The following TYW1B variants were observed in gnomAD, a reference collection of about 807,000 sequenced individuals.
TYW1B encodes the protein S-adenosyl-L-methionine-dependent tRNA 4-demethylwyosine synthase TYW1B.
TYW1B carries 73 observed loss-of-function variants against 86.9 expected under a neutral mutation model. That is an observed-to-expected ratio of 0.84 (90% confidence interval 0.70 to 1.02). The LOEUF (loss-of-function observed/expected upper bound fraction) is 1.02. Among genes scored for constraint, TYW1B ranks in the 50% least tolerant of loss-of-function variants. The pLI, the probability that TYW1B is intolerant of heterozygous loss-of-function variation, is 0.00. For missense variants in TYW1B, 637 were observed against 827.4 expected, an observed-to-expected ratio of 0.77 and a Z score of 2.82; for synonymous variants, 248 against 292.8, an observed-to-expected ratio of 0.85 and a Z score of 1.56.
chr7:72,617,404 G>C (rs1429306177), intron 12 of TYW1B, among the ~76,000 whole-genome samples: 2 of 152,070 alleles, frequency 1.3e-5, no homozygotes, highest in African/African-American at 4.8e-5. Flanking sequence ...GTCTTGCTCT[G>C]TCACCTAAGC....
Position 72,765,070 on chromosome 7 carries a change from A to T in TYW1B, c.964+12346T>A, listed in dbSNP as rs1352527019. ...GAAATATAAACATCGGTTATATACCACCAAGGCTTTGGCTGAAATGTCTTA... is the reference window on the plus strand; with the variant it reads ...GAAATATAAACATCGGTTATATACCTCCAAGGCTTTGGCTGAAATGTCTTA... On this transcript the variant is annotated intron_variant, in intron 7 of 13. Coordinates refer to ENST00000620995, the MANE Select transcript of TYW1B (RefSeq NM_001145440.3). 7.9e-5 allele frequency among the ~76,000 whole-genome samples: 12 copies of T among 152,298 alleles called. No homozygotes were observed. In the East Asian group the frequency reaches 2.3e-3, roughly 29 times the overall value.
At chr7:72,827,855 G>A (rs551067287) in intron 1 of TYW1B, among the ~76,000 whole-genome samples, 12 of 152,302 alleles carry the variant, frequency 7.9e-5, no homozygotes, top group Admixed American at 2.6e-4. Context: ...AAGTGGGAGG[G>A]GTAGTTTTCT....
intron 10 of TYW1B, among the ~76,000 whole-genome samples, chr7:72,704,841 T>C (rs1347076073): frequency 6.6e-6 from 1 of 152,134 alleles, no homozygotes; most frequent in Non-Finnish European, 1.5e-5. Context: ...GATTGAAACC[T>C]AGATCTTTTC....
intron 11 of TYW1B, among the ~76,000 whole-genome samples, chr7:72,659,577 CAAAGA>C (rs1554444189): frequency 1.3e-5 from 2 of 151,616 alleles, no homozygotes; most frequent in Non-Finnish European, 2.9e-5. Context: ...GACTCTGTCT[CAAAGA>C]AAAGAAAAGA....
At chr7:72,714,105 T>C (rs1585923598) in intron 9 of TYW1B, among the ~76,000 whole-genome samples, 1 of 152,220 alleles carries the variant, frequency 6.6e-6, no homozygotes, top group Non-Finnish European at 1.5e-5. Flanking sequence ...CATTCTTTCA[T>C]GTTGATCTAA....
At chr7:72,583,703 A>G (rs1486572291) in intron 13 of TYW1B, among the ~76,000 whole-genome samples, 1 of 152,246 alleles carries the variant, frequency 6.6e-6, no homozygotes, top group African/African-American at 2.4e-5. Context: ...AGAGGAAAGG[A>G]GAGGACTGGC....
rs1787730850 is a variant in TYW1B at position 72,764,027 on chromosome 7, G to A, written c.964+13389C>T. On this transcript the variant is annotated intron_variant, in intron 7 of 13. Coordinates refer to ENST00000620995, the MANE Select transcript of TYW1B (RefSeq NM_001145440.3). ...TTTTTTAAAGTTATATTTGTATGGG[G>A]ATATGTTATTAATGTGAATATTCAA... Among the ~76,000 whole-genome samples, 8 of 152,176 alleles carry A rather than the reference G, an allele frequency of 5.3e-5. No individual in the cohort carries two copies. The South Asian group carries it at 1.7e-3, about 31-fold the overall frequency.
chr7:72,640,120 A>G (rs1585868811), intron 11 of TYW1B, among the ~76,000 whole-genome samples: 1 of 152,076 alleles, frequency 6.6e-6, no homozygotes, highest in African/African-American at 2.4e-5. Context: ...ACAGAATGGA[A>G]AACTTATAAT....
chr7:72,641,067 A>C (rs1812789463), intron 11 of TYW1B, among the ~76,000 whole-genome samples: 1 of 152,282 alleles, frequency 6.6e-6, no homozygotes, highest in South Asian at 2.1e-4. Flanking sequence ...TCAGAAATGA[A>C]AGTGGAGATA....
intron 11 of TYW1B, among the ~76,000 whole-genome samples, chr7:72,631,350 T>TA (rs1300892058): frequency 1.3e-5 from 2 of 151,918 alleles, no homozygotes; most frequent in East Asian, 1.9e-4. Context: ...CCGTCTCCAC[T>TA]AAAAAATACA....
intron 7 of TYW1B, among the ~76,000 whole-genome samples, chr7:72,749,780 G>A (rs1554464650): frequency 7.2e-6 from 1 of 138,684 alleles, no homozygotes; most frequent in Admixed American, 7.5e-5. Flanking sequence ...GAACTAGATT[G>A]CTGATTTGAG....
In TYW1B at chr7:72,802,444, C is replaced by A; in HGVS notation, c.802G>T (p.Val268Phe). 1 of 1,613,874 alleles carries A rather than the reference C, an allele frequency of 6.2e-7. No individual in the cohort carries two copies. Residue 268 changes from valine (V) to phenylalanine (F), a missense_variant, in exon 6 of 14, where the codon GTT becomes TTT. By Grantham distance (50) the Val-to-Phe change is conservative (BLOSUM62 -1). Transcript: ENST00000620995. ...DHQSLNSIVD[V>F]EDLGKIMDHV... is the part of the protein sequence containing the mutation. ...TCCATAATTTTGCCCAAATCTTCAA[C>A]ATCAACAATGGAATTTAGGCTCTGA...
At chr7:72,623,186 C>G (rs1474044621) in intron 12 of TYW1B, among the ~76,000 whole-genome samples, 1 of 152,188 alleles carries the variant, frequency 6.6e-6, no homozygotes, top group Non-Finnish European at 1.5e-5. Context: ...TGAATGCACA[C>G]ACATACACAT....
chr7:72,777,270 A>G, intron 7 of TYW1B, 146 bp downstream of exon 7: 1 of 971,362 alleles, frequency 1.0e-6, no homozygotes, highest in African/African-American at 1.6e-5. Flanking sequence ...GAAGCGATCC[A>G]CAGAAGTAAG....
intron 11 of TYW1B, among the ~76,000 whole-genome samples, chr7:72,679,335 T>C (rs1375109055): frequency 1.3e-5 from 2 of 152,194 alleles, no homozygotes; most frequent in East Asian, 3.8e-4. Context: ...CTCTCAATAA[T>C]GTTCACTGCA....
intron 9 of TYW1B, among the ~76,000 whole-genome samples, chr7:72,715,183 C>A (rs568577196): frequency 2.7e-3 from 407 of 152,046 alleles, no homozygotes; most frequent in African/African-American, 8.9e-3. Context: ...AGGCAATTCG[C>A]AGTTTCTGAA....
chr7:72,774,451 C>G (rs564299143), intron 7 of TYW1B, among the ~76,000 whole-genome samples: 2 of 151,400 alleles, frequency 1.3e-5, no homozygotes, highest in Non-Finnish European at 2.9e-5. Context: ...GGCCAGGCAC[C>G]GTGGCTCAAG....
At chr7:72,797,584 G>C (rs1245701474) in intron 6 of TYW1B, among the ~76,000 whole-genome samples, 1 of 152,152 alleles carries the variant, frequency 6.6e-6, no homozygotes, top group Non-Finnish European at 1.5e-5. Flanking sequence ...TTGCATGGTG[G>C]TGTATGTCCA....
At chr7:72,670,607 A>G (rs1293338318) in intron 11 of TYW1B, among the ~76,000 whole-genome samples, 1 of 152,232 alleles carries the variant, frequency 6.6e-6, no homozygotes. Flanking sequence ...CTATTATAGC[A>G]TGGTGCCCTG....
Sources: allele counts gnomAD v4.1 joint callset (sites outside exome capture counted in the v4.1 genomes callset), GRCh38; gene constraint gnomAD v4.1.1; transcripts MANE v1.5; gene names NCBI Gene and HGNC (gene_info 2026-07-23, HGNC 2026-07-21).